Variants in ME3 observed in about 807,000 individuals in gnomAD.
ME3 encodes NADP-dependent malic enzyme, mitochondrial.
A neutral mutation model predicts 68.9 loss-of-function variants in ME3; 48 were observed. That is an observed-to-expected ratio of 0.70 (90% CI 0.55 to 0.89). The LOEUF is 0.89. Ranked by LOEUF, ME3 falls within the 40% of genes least tolerant of loss-of-function variation. ME3 has a pLI of 0.00. For synonymous variants in ME3, 320 were observed against 318.8 expected, an observed-to-expected ratio of 1.00 and a Z score of -0.04; for missense variants, 675 against 797.4, an observed-to-expected ratio of 0.85 and a Z score of 1.85.
chr11:86,498,199 C>T lies in ME3; in HGVS notation c.544-75G>A. The T allele has an allele frequency of 2.7e-6, 4 of 1,508,378 alleles. No homozygotes were observed. The African/African-American group carries it at 5.6e-5, about 21-fold the overall frequency. The allele number at this position is 1,508,378 out of a possible 1,614,324, so 93.4% of individuals were successfully genotyped here. On this transcript the variant is annotated intron_variant, in intron 5 of 14. Transcript: ENST00000543262. Reference sequence around the variant, plus strand: ...GGGTGCTCATTTTAGCAGCCCCAGCCCATCAGGCTTGGCGACTGGATGCCC... The same window carrying T: ...GGGTGCTCATTTTAGCAGCCCCAGCTCATCAGGCTTGGCGACTGGATGCCC...
intron 2 of ME3, among the ~76,000 whole-genome samples, chr11:86,654,504 T>G (rs1945713421): frequency 6.6e-6 from 1 of 152,230 alleles, no homozygotes; most frequent in South Asian, 2.1e-4. Flanking sequence ...ACCACATGAT[T>G]ATCTCAATAG....
At chr11:86,478,621 A>G (rs1056747298) in intron 7 of ME3, among the ~76,000 whole-genome samples, 2 of 152,194 alleles carry the variant, frequency 1.3e-5, no homozygotes, top group African/African-American at 4.8e-5. Context: ...TGCTCACTAC[A>G]TCAAGTCTCA....
intron 7 of ME3, among the ~76,000 whole-genome samples, chr11:86,466,078 T>C (rs1008474380): frequency 1.3e-5 from 2 of 152,222 alleles, no homozygotes; most frequent in African/African-American, 4.8e-5. Flanking sequence ...TAAAAATGAC[T>C]GAGTTTGTTC....
At chr11:86,587,412 A>G (rs1458076390) in intron 2 of ME3, among the ~76,000 whole-genome samples, 3 of 152,210 alleles carry the variant, frequency 2.0e-5, no homozygotes, top group Non-Finnish European at 4.4e-5. Flanking sequence ...GCTTTTAAGC[A>G]GTGGCAAGAT....
intron 8 of ME3, among the ~76,000 whole-genome samples, chr11:86,459,378 C>T (rs925339629): frequency 6.6e-6 from 1 of 152,212 alleles, no homozygotes; most frequent in Admixed American, 6.5e-5. Flanking sequence ...CTCTTTCCTT[C>T]TTCCCTCCCG....
intron 4 of ME3, 38 bp downstream of exon 4, chr11:86,556,515 G>A: frequency 6.3e-7 from 1 of 1,597,578 alleles, no homozygotes; most frequent in Non-Finnish European, 8.5e-7. Context: ...CCTCTATGAG[G>A]CAGCCCCTCC....
intron 7 of ME3, among the ~76,000 whole-genome samples, chr11:86,475,850 AG>A (rs1951032749): frequency 2.9e-5 from 3 of 102,464 alleles, no homozygotes; most frequent in African/African-American, 1.2e-4. Context: ...CCTAATATTC[AG>A]TATATATATA....
intron 7 of ME3, among the ~76,000 whole-genome samples, chr11:86,466,913 C>T (rs924447693): frequency 2.6e-5 from 4 of 152,214 alleles, no homozygotes; most frequent in African/African-American, 9.6e-5. Flanking sequence ...CTTCACCTCT[C>T]TATTCTACCT....
chr11:86,590,877 G>A (rs1201755341), intron 2 of ME3, among the ~76,000 whole-genome samples: 1 of 152,230 alleles, frequency 6.6e-6, no homozygotes, highest in African/African-American at 2.4e-5. Flanking sequence ...CTATGAGGCA[G>A]TAATAAGGCT....
intron 4 of ME3, among the ~76,000 whole-genome samples, chr11:86,519,490 A>G (rs775506135): frequency 6.6e-6 from 1 of 152,352 alleles, no homozygotes; most frequent in Non-Finnish European, 1.5e-5. Flanking sequence ...TCAAGTAGAC[A>G]TGTTCATTTA....
intron 8 of ME3, among the ~76,000 whole-genome samples, chr11:86,460,603 A>G (rs1950182682): frequency 1.3e-5 from 2 of 152,184 alleles, no homozygotes; most frequent in African/African-American, 4.8e-5. Context: ...GTTCCCAAGA[A>G]GATTCTGAGA....
intron 4 of ME3, among the ~76,000 whole-genome samples, chr11:86,551,700 A>C (rs368616834): frequency 6.6e-6 from 1 of 152,240 alleles, no homozygotes; most frequent in Non-Finnish European, 1.5e-5. Flanking sequence ...CATGCATTCA[A>C]TAAATGGTAA....
chr11:86,527,098 A>G, intron 4 of ME3, among the ~76,000 whole-genome samples: 1 of 152,192 alleles, frequency 6.6e-6, no homozygotes, highest in Non-Finnish European at 1.5e-5. Flanking sequence ...ACCCATGGCA[A>G]AGAAGTTAAA....
chr11:86,598,498 T>C (rs1002041736), intron 2 of ME3, among the ~76,000 whole-genome samples: 10 of 152,218 alleles, frequency 6.6e-5, no homozygotes, highest in Non-Finnish European at 1.5e-4. Context: ...TGCCTGCCTC[T>C]GTAGACTCCA....
chr11:86,546,539 A>T (rs1422782742), intron 4 of ME3, among the ~76,000 whole-genome samples: 1 of 152,190 alleles, frequency 6.6e-6, no homozygotes, highest in Non-Finnish European at 1.5e-5. Flanking sequence ...AGAAGACATT[A>T]ATGCCACCAA....
At chr11:86,520,606 G>GC (rs1954203996) in intron 4 of ME3, among the ~76,000 whole-genome samples, 1 of 152,130 alleles carries the variant, frequency 6.6e-6, no homozygotes, top group Non-Finnish European at 1.5e-5. Context: ...GGGCCCCTTG[G>GC]CCCTGCCCTT....
At chr11:86,651,695 C>A (rs1032195840) in intron 2 of ME3, among the ~76,000 whole-genome samples, 2 of 152,188 alleles carry the variant, frequency 1.3e-5, no homozygotes, top group Non-Finnish European at 2.9e-5. Context: ...CACCTCTGCC[C>A]CTTCAAAGGA....
intron 2 of ME3, among the ~76,000 whole-genome samples, chr11:86,643,455 GA>G (rs1455113071): frequency 3.3e-5 from 5 of 151,862 alleles, no homozygotes; most frequent in Non-Finnish European, 5.9e-5. Context: ...CTCTTCCCAG[GA>G]AATCCCAATC....
chr11:86,474,394 G>A (rs747950294), intron 7 of ME3, among the ~76,000 whole-genome samples: 2 of 152,160 alleles, frequency 1.3e-5, no homozygotes, highest in African/African-American at 4.8e-5. Flanking sequence ...TGAGTTCCGG[G>A]GCAAGCACAC....
Sources: gnomAD v4.1 joint callset for allele counts (sites outside exome capture counted in the v4.1 genomes callset) on GRCh38, gnomAD v4.1.1 for gene constraint, MANE v1.5 for transcripts, NCBI Gene and HGNC (gene_info 2026-07-23, HGNC 2026-07-21) for gene names.